The following ANO2 variants were observed in gnomAD, a reference collection of about 807,000 sequenced individuals.
The protein encoded by ANO2 is anoctamin-2.
Under a neutral mutation model 124.2 loss-of-function variants are expected in ANO2, and 101 were observed. The observed-to-expected ratio is 0.81, with a 90% CI of 0.69 to 0.96. The LOEUF (loss-of-function observed/expected upper bound fraction) is 0.96. ANO2 is among the 40% of genes least tolerant of loss of function. The pLI is 0.00. For synonymous variants in ANO2, 486 were observed against 482.5 expected, an observed-to-expected ratio of 1.01 and a Z score of -0.09; for missense variants, 1,293 against 1,274.5, an observed-to-expected ratio of 1.01 and a Z score of -0.22.
chr12:5,621,091 C>T (rs538469710), intron 16 of ANO2, among the ~76,000 whole-genome samples: 16 of 152,228 alleles, frequency 1.1e-4, no homozygotes, highest in Middle Eastern at 3.4e-3. Flanking sequence ...AGGTCACTTT[C>T]GGTTTCGAGA....
chr12:5,844,795 T>G (rs543324755), intron 4 of ANO2, among the ~76,000 whole-genome samples: 83 of 152,224 alleles, frequency 5.5e-4, no homozygotes, highest in African/African-American at 1.9e-3. Flanking sequence ...GGTGTTCAAG[T>G]GTTCAGCAGA....
chr12:5,884,425 T>C (rs1166465229), intron 3 of ANO2, among the ~76,000 whole-genome samples: 1 of 152,218 alleles, frequency 6.6e-6, no homozygotes, highest in African/African-American at 2.4e-5. Flanking sequence ...ATCACTGCTA[T>C]ACCTGCAAAT....
At chr12:5,895,065 T>C (rs1387993465) in intron 3 of ANO2, among the ~76,000 whole-genome samples, 1 of 152,224 alleles carries the variant, frequency 6.6e-6, no homozygotes, top group Non-Finnish European at 1.5e-5. Flanking sequence ...GCACTGAATC[T>C]ATAAATTACT....
intron 1 of ANO2, among the ~76,000 whole-genome samples, chr12:5,936,383 C>T (rs1008297657): frequency 6.6e-6 from 1 of 152,154 alleles, no homozygotes; most frequent in Non-Finnish European, 1.5e-5. Context: ...GTGGGTCCCT[C>T]TGGGAAGGAT....
intron 2 of ANO2, 31 bp downstream of exon 2, chr12:5,922,589 T>TTCCCC: frequency 1.3e-5 from 19 of 1,449,806 alleles, no homozygotes; most frequent in Middle Eastern, 2.5e-4. Flanking sequence ...GGCTGGCCTA[T>TTCCCC]CCCCCCACCC....
At chr12:5,735,026 G>A (rs1442731239) in intron 13 of ANO2, among the ~76,000 whole-genome samples, 1 of 152,148 alleles carries the variant, frequency 6.6e-6, no homozygotes, top group Non-Finnish European at 1.5e-5. Flanking sequence ...GAAGAGACAG[G>A]CTGCGCTGCA....
At chr12:5,783,466 A>C (rs1465647133) in intron 10 of ANO2, among the ~76,000 whole-genome samples, 1 of 152,156 alleles carries the variant, frequency 6.6e-6, no homozygotes, top group Non-Finnish European at 1.5e-5. Context: ...GGGAACGGGG[A>C]ACAGAAAGAG....
intron 16 of ANO2, among the ~76,000 whole-genome samples, chr12:5,631,905 C>T (rs1318917347): frequency 1.3e-5 from 2 of 152,128 alleles, no homozygotes; most frequent in South Asian, 2.1e-4. Flanking sequence ...AGCAATGTCC[C>T]CAAACCCACT....
At chr12:5,860,132 C>T (rs983695217) in intron 3 of ANO2, among the ~76,000 whole-genome samples, 1 of 152,136 alleles carries the variant, frequency 6.6e-6, no homozygotes, top group Admixed American at 6.5e-5. Context: ...GCTTCCTACG[C>T]TCAAGCCTCC....
chr12:5,700,864 G>A (rs2137027302), intron 14 of ANO2, among the ~76,000 whole-genome samples: 1 of 152,206 alleles, frequency 6.6e-6, no homozygotes, highest in East Asian at 1.9e-4. Flanking sequence ...ACTTACTTAG[G>A]AACCATCTTC....
intron 4 of ANO2, among the ~76,000 whole-genome samples, chr12:5,846,001 T>C (rs1385714738): frequency 6.6e-6 from 1 of 152,236 alleles, no homozygotes; most frequent in Admixed American, 6.5e-5. Flanking sequence ...GATAATTTGT[T>C]TTGAGTGGCA....
At position 5,851,047 on chromosome 12, in the gene ANO2, T is replaced by C. The variant is rs527374177; in HGVS notation, c.633+2996A>G. Among the ~76,000 whole-genome samples, 735 of 112,782 alleles carry C rather than the reference T, an allele frequency of 6.5e-3. 8 individuals carry two copies. The highest frequency in any genetic ancestry group is 0.045 in the African/African-American group (702 of 15,650). 74.0% of individuals were successfully genotyped at this position (112,782 alleles called of 152,430 possible). A position where few individuals can be genotyped will look rare whatever the true frequency, so the allele number is the denominator to read the frequency against. On this transcript the variant is annotated intron_variant, in intron 4 of 24. Coordinates refer to ENST00000682330, the MANE Select transcript of ANO2 (RefSeq NM_001364791.2). ...ACAACGAATAACTGCAGAACCAAGG[T>C]TAGAAGTCTCTTCTTCTGAGGACTC...
intron 14 of ANO2, among the ~76,000 whole-genome samples, chr12:5,698,967 T>C (rs551841675): frequency 6.6e-6 from 1 of 152,324 alleles, no homozygotes; most frequent in Admixed American, 6.5e-5. Context: ...TACATCTGAT[T>C]GGTGTACCTG....
intron 10 of ANO2, among the ~76,000 whole-genome samples, chr12:5,776,415 G>A (rs1952234560): frequency 6.6e-6 from 1 of 152,146 alleles, no homozygotes; most frequent in Admixed American, 6.5e-5. Flanking sequence ...AGTACCTCAA[G>A]GACTTATACA....
At chr12:5,578,321 T>C in intron 21 of ANO2, 45 bp downstream of exon 21, 4 of 1,596,040 alleles carry the variant, frequency 2.5e-6, no homozygotes, top group Non-Finnish European at 2.6e-6. Flanking sequence ...GGGGACAGAA[T>C]GGCAGAAGGA....
rs182849147 is a variant in ANO2, at chr12:5,863,398, C to T, written c.535-9257G>A. ...TAATCCTCACCATGTAAGATAGGCC[C>T]CGGGAAGGCCATGGGTTCTGGAGCC... On this transcript the variant is annotated intron_variant, in intron 3 of 24. Transcript: ENST00000682330. Among the ~76,000 whole-genome samples, 1,045 of 152,280 alleles carry T rather than the reference C, an allele frequency of 6.9e-3. 10 individuals are homozygous for T. The highest frequency in any genetic ancestry group is 8.0e-3 in the Non-Finnish European group (546 of 68,024).
chr12:5,879,988 A>G (rs1938370519), intron 3 of ANO2, among the ~76,000 whole-genome samples: 1 of 152,172 alleles, frequency 6.6e-6, no homozygotes, highest in Non-Finnish European at 1.5e-5. Context: ...TCAATCACAC[A>G]AGGGTAGATA....
chr12:5,939,994 T>C (rs1224821559), intron 1 of ANO2, among the ~76,000 whole-genome samples: 1 of 152,208 alleles, frequency 6.6e-6, no homozygotes, highest in African/African-American at 2.4e-5. Context: ...AAGTAGGCTC[T>C]CAGATCCAGT....
chr12:5,682,303 A>G (rs1443943740), intron 14 of ANO2, among the ~76,000 whole-genome samples: 2 of 151,892 alleles, frequency 1.3e-5, no homozygotes, highest in Admixed American at 6.6e-5. Context: ...GTTATAAACT[A>G]TATTCTCTGA....
Sources: gnomAD v4.1 joint callset for allele counts (sites outside exome capture counted in the v4.1 genomes callset) on GRCh38, gnomAD v4.1.1 for gene constraint, MANE v1.5 for transcripts, NCBI Gene and HGNC (gene_info 2026-07-23, HGNC 2026-07-21) for gene names.